Variants in LRRC3B observed in about 807,000 individuals in gnomAD.
The protein encoded by LRRC3B is leucine rich repeat containing 3B, also known as leucine-rich repeat-containing protein 3B.
LRRC3B carries 2 observed loss-of-function variants against 12.8 expected under a neutral mutation model. The observed-to-expected ratio is 0.16, with a 90% CI of 0.06 to 0.49. The LOEUF is 0.49. Ranked by LOEUF, LRRC3B falls within the 20% of genes least tolerant of loss-of-function variation. The pLI, the probability that LRRC3B is intolerant of heterozygous loss-of-function variation, is 0.96. For synonymous variants in LRRC3B, 132 were observed against 122.0 expected (o/e 1.08, Z -0.54); for missense variants, 189 against 319.4 (o/e 0.59, Z 3.11).
intron 1 of LRRC3B, among the ~76,000 whole-genome samples, chr3:26,647,696 C>A (rs1156386479): frequency 6.6e-6 from 1 of 151,994 alleles, no homozygotes; most frequent in Non-Finnish European, 1.5e-5. Flanking sequence ...CAGCTCATTG[C>A]CAGGAGTTTC....
intron 1 of LRRC3B, among the ~76,000 whole-genome samples, chr3:26,643,127 C>A (rs558464744): frequency 6.6e-6 from 1 of 152,136 alleles, no homozygotes; most frequent in Non-Finnish European, 1.5e-5. Context: ...GTGACAAAGA[C>A]AATAAGGGAT....
exon 2 of LRRC3B, chr3:26,709,981 C>T (rs1358691804): frequency 1.1e-5 from 17 of 1,613,988 alleles, no homozygotes; most frequent in Non-Finnish European, 1.4e-5. Flanking sequence ...TTGAGTTTAT[C>T]GATGAGCATG....
intron 1 of LRRC3B, among the ~76,000 whole-genome samples, chr3:26,693,328 C>CA (rs71950080): frequency 0.13 from 12,196 of 94,406 alleles, 1,150 homozygotes; most frequent in Non-Finnish European, 0.2. Context: ...AACTCCGTCT[C>CA]AAAAAAAAAA....
intron 1 of LRRC3B, among the ~76,000 whole-genome samples, chr3:26,662,070 A>G (rs1370675222): frequency 6.6e-6 from 1 of 152,188 alleles, no homozygotes; most frequent in African/African-American, 2.4e-5. Flanking sequence ...TCTCTGTTCC[A>G]AAAACCAGTC....
intron 1 of LRRC3B, among the ~76,000 whole-genome samples, chr3:26,662,025 CTTG>C (rs1438085741): frequency 3.3e-5 from 5 of 152,156 alleles, no homozygotes; most frequent in Non-Finnish European, 7.4e-5. Flanking sequence ...TCTGAGAAAT[CTTG>C]TTGTCCTTAA....
At chr3:26,696,976 A>G in intron 1 of LRRC3B, among the ~76,000 whole-genome samples, 1 of 152,188 alleles carries the variant, frequency 6.6e-6, no homozygotes, top group East Asian at 1.9e-4. Context: ...GATAATAACC[A>G]TTTTGTAATC....
chr3:26,702,330 C>T (rs974263852), intron 1 of LRRC3B, among the ~76,000 whole-genome samples: 3 of 152,154 alleles, frequency 2.0e-5, no homozygotes, highest in Non-Finnish European at 4.4e-5. Flanking sequence ...GTTCCTCATG[C>T]ATCTGTCTGC....
chr3:26,652,722 A>G (rs945943058), intron 1 of LRRC3B, among the ~76,000 whole-genome samples: 1 of 152,124 alleles, frequency 6.6e-6, no homozygotes, highest in African/African-American at 2.4e-5. Flanking sequence ...AAAAAAAATC[A>G]CAGATGTTTT....
chr3:26,687,329 TC>T (rs1456700864), intron 1 of LRRC3B, among the ~76,000 whole-genome samples: 3 of 152,242 alleles, frequency 2.0e-5, no homozygotes, highest in Non-Finnish European at 2.9e-5. Flanking sequence ...TAAGGAAATG[TC>T]CTCTTTATTT....
chr3:26,671,044 C>T (rs1423388115), intron 1 of LRRC3B, among the ~76,000 whole-genome samples: 2 of 107,078 alleles, frequency 1.9e-5, no homozygotes, highest in Non-Finnish European at 1.7e-5. Context: ...GAGACGGAGT[C>T]TCGCTCTGTC....
At chr3:26,638,342 A>G (rs1289657798) in intron 1 of LRRC3B, among the ~76,000 whole-genome samples, 2 of 152,332 alleles carry the variant, frequency 1.3e-5, no homozygotes, top group East Asian at 3.9e-4. Context: ...TAGGTACTAT[A>G]AAGGTAGTGT....
Position 26,709,801 on chromosome 3 carries a change from T to TG in LRRC3B, c.134dup (p.Leu46PhefsTer6). On this transcript the variant is annotated frameshift_variant, in exon 2 of 2. Coordinates refer to ENST00000396641, the Ensembl canonical transcript of LRRC3B. LOFTEE classifies it high-confidence loss of function. ...CCAAGGGCTGTCTTTGTTCTTCCTC[T>TG]GGGGGTTTAAATGTCACCTGTAGCA... 2 of 1,614,158 alleles carry TG rather than the reference T, an allele frequency of 1.2e-6. No individual in the cohort carries two copies. Among genetic ancestry groups the TG allele is most frequent in the Non-Finnish European group, 1.7e-6 (2 of 1,180,018 alleles).
At chr3:26,640,568 A>T (rs1341267983) in intron 1 of LRRC3B, among the ~76,000 whole-genome samples, 1 of 152,170 alleles carries the variant, frequency 6.6e-6, no homozygotes, top group East Asian at 1.9e-4. Flanking sequence ...GACATTTAAA[A>T]ATCCATGTCA....
chr3:26,691,105 G>GTGTGTGTATATA (rs372629683), intron 1 of LRRC3B, among the ~76,000 whole-genome samples: 1 of 84,850 alleles, frequency 1.2e-5, no homozygotes, highest in African/African-American at 4.6e-5. Context: ...GTGTGTGTGT[G>GTGTGTGTATATA]TATATATATA....
chr3:26,658,680 T>A (rs1907168), intron 1 of LRRC3B, among the ~76,000 whole-genome samples: 107,321 of 152,216 alleles, frequency 0.71, 38,372 homozygotes, highest in East Asian at 0.86. Context: ...CTGTGAAAAT[T>A]GATGAAAAAA....
chr3:26,635,648 C>T (rs1397653006), intron 1 of LRRC3B, among the ~76,000 whole-genome samples: 1 of 152,210 alleles, frequency 6.6e-6, no homozygotes, highest in African/African-American at 2.4e-5. Context: ...TTGTTTAAGC[C>T]AACCAGTCTA....
intron 1 of LRRC3B, among the ~76,000 whole-genome samples, chr3:26,702,699 A>G (rs558695668): frequency 1.3e-5 from 2 of 152,260 alleles, no homozygotes; most frequent in East Asian, 3.9e-4. Flanking sequence ...ACTTGACATT[A>G]GAAGGATGGA....
At chr3:26,648,914 C>A (rs1445538980) in intron 1 of LRRC3B, among the ~76,000 whole-genome samples, 1 of 152,208 alleles carries the variant, frequency 6.6e-6, no homozygotes, top group Non-Finnish European at 1.5e-5. Context: ...ACATTCCTCC[C>A]TTGAGGCAAC....
At chr3:26,704,429 G>A (rs1190050176) in intron 1 of LRRC3B, among the ~76,000 whole-genome samples, 4 of 152,080 alleles carry the variant, frequency 2.6e-5, no homozygotes, top group South Asian at 4.1e-4. Context: ...TAGATGATAA[G>A]TACTTTAACC....
Sources: allele counts gnomAD v4.1 joint callset (sites outside exome capture counted in the v4.1 genomes callset), GRCh38; gene constraint gnomAD v4.1.1; transcripts MANE v1.5; gene names NCBI Gene and HGNC (gene_info 2026-07-23, HGNC 2026-07-21).